C1orf94: variants seen among roughly 807,000 people sequenced by gnomAD.
C1orf94 encodes the protein chromosome 1 open reading frame 94.
In C1orf94, 45 loss-of-function variants were observed where a neutral mutation model predicts 53.6. The observed-to-expected ratio is 0.84, with a 90% CI of 0.66 to 1.08. C1orf94 has a LOEUF of 1.08. C1orf94 is among the 50% of genes least tolerant of loss of function. C1orf94 has a pLI of 0.00. For missense variants in C1orf94, 762 were observed against 738.9 expected (o/e 1.03, Z -0.36); for synonymous variants, 304 against 296.1 (o/e 1.03, Z -0.27).
intron 5 of C1orf94, among the ~76,000 whole-genome samples, chr1:34,211,166 T>A (rs1303248073): frequency 2.6e-5 from 4 of 152,158 alleles, no homozygotes; most frequent in Non-Finnish European, 4.4e-5. Flanking sequence ...CTGTCAGTAG[T>A]GGAATGTAGT....
At chr1:34,170,153 T>G (rs1642124369) in intron 1 of C1orf94, among the ~76,000 whole-genome samples, 1 of 152,236 alleles carries the variant, frequency 6.6e-6, no homozygotes, top group Admixed American at 6.5e-5. Context: ...TTGCATAGTA[T>G]CTTGTGTAGT....
chr1:34,183,851 C>T (rs1003682345), intron 1 of C1orf94, among the ~76,000 whole-genome samples: 59 of 147,960 alleles, frequency 4.0e-4, no homozygotes, highest in African/African-American at 1.3e-3. Context: ...AGCAAAACTC[C>T]GTCTCAAAAA....
At chr1:34,188,725 G>T (rs780114001) in intron 1 of C1orf94, among the ~76,000 whole-genome samples, 3 of 152,184 alleles carry the variant, frequency 2.0e-5, no homozygotes, top group African/African-American at 4.8e-5. Context: ...GGCCCGGAGG[G>T]TGGAGGAGGG....
At chr1:34,186,888 T>C (rs1007581334) in intron 1 of C1orf94, among the ~76,000 whole-genome samples, 5 of 152,218 alleles carry the variant, frequency 3.3e-5, no homozygotes, top group African/African-American at 9.6e-5. Context: ...TTACTCATCT[T>C]TGTCTCCCCA....
rs776904740 is a variant in C1orf94, at chr1:34,197,588, C to G, written c.684C>G (p.Ile228Met). The G allele has an allele frequency of 3.7e-6, 6 of 1,614,058 alleles. 1 individual carries two copies. Among genetic ancestry groups the G allele is most frequent in the Non-Finnish European group, 5.1e-6 (6 of 1,180,032 alleles). Residue 228 changes from isoleucine (I) to methionine (M), a missense_variant, in exon 2 of 7, where the codon ATC becomes ATG. By Grantham distance (10) the Ile-to-Met change is conservative. Transcript: ENST00000488417. This position sits in a 1 kb window ranked among gnomAD's most constrained non-coding sequence, Gnocchi z 4.1. The part of the protein sequence containing the change: ...SSKGTEDRGR[I>M]LGDSNLQVSK... ...AGGGGACAGAGGACAGGGGCCGCAT[C>G]CTAGGTGACTCCAACTTGCAAGTCA...
At chr1:34,213,403 G>A (rs112911521) in intron 6 of C1orf94, among the ~76,000 whole-genome samples, 1 of 152,182 alleles carries the variant, frequency 6.6e-6, no homozygotes. Context: ...AAAGCTGTGG[G>A]AAACAGAGAT....
At position 34,208,161 on chromosome 1, in the gene C1orf94, T is replaced by C; in HGVS notation, c.1451T>C (p.Leu484Pro). The change falls in exon 5 of 7, where the codon CTG becomes CCG. Residue 484 changes from leucine (L) to proline (P), a missense_variant. By Grantham distance (98) the Leu-to-Pro change is moderately conservative. Coordinates refer to ENST00000488417, the MANE Select transcript of C1orf94 (RefSeq NM_001134734.2). ...TGAGCCTCTGTTTCTCCCCAGGGCC[T>C]GTACCCACAGCAGGCAGCGAGGATG... ...NHSTFLQYQGLYPQQAARMPY... is the reference protein window; with the variant it reads ...NHSTFLQYQGPYPQQAARMPY... 6.2e-7 allele frequency: 1 copy of C among 1,614,034 alleles called. No individual in the cohort carries two copies. Among genetic ancestry groups the C allele is most frequent in the Non-Finnish European group, 8.5e-7 (1 of 1,179,978 alleles).
Position 34,200,989 on chromosome 1 carries a change from G to A in C1orf94, c.1227G>A (p.Pro409=), listed in dbSNP as rs772043436. 9 of 1,611,354 alleles carry A rather than the reference G, an allele frequency of 5.6e-6. No individual in the cohort carries two copies. The highest frequency in any genetic ancestry group is 1.7e-5 in the Admixed American group (1 of 59,528). Residue 409 remains proline (P), a synonymous_variant, in exon 3 of 7, where the codon CCG becomes CCA. Transcript: ENST00000488417. The part of the protein sequence containing the change: ...LGATKNPSGQ[P]RLRNKVEVDG... The stretch of plus-strand genomic sequence containing the variant: ...CCACCAAGAACCCAAGCGGGCAGCC[G>A]AGACTTCGAAACAAAGTGGAAGTGG...
At chr1:34,207,262 GGTGTGTGT>G (rs58794132) in intron 4 of C1orf94, among the ~76,000 whole-genome samples, 4,589 of 147,376 alleles carry the variant, frequency 0.031, 137 homozygotes, top group African/African-American at 0.076. Flanking sequence ...AGTTCTGCGG[GGTGTGTGT>G]GTGTGTGTGT....
At chr1:34,215,348 G>A (rs763064212) in intron 6 of C1orf94, among the ~76,000 whole-genome samples, 3 of 152,234 alleles carry the variant, frequency 2.0e-5, no homozygotes, top group Admixed American at 2.0e-4. Context: ...TGGTAGGCAT[G>A]GCTAGAAGTC....
In C1orf94 at chr1:34,197,329, G is replaced by C; in HGVS notation, c.425G>C (p.Gly142Ala). 1.9e-6 allele frequency: 3 copies of C among 1,579,356 alleles called. No individual in the cohort carries two copies. The highest frequency in any genetic ancestry group is 2.6e-6 in the Non-Finnish European group (3 of 1,162,166). Residue 142 changes from glycine to alanine, a missense_variant, in exon 2 of 7, where the codon GGG becomes GCG. Coordinates refer to ENST00000488417, the MANE Select transcript of C1orf94 (RefSeq NM_001134734.2). The surrounding 1 kb of genome is among the most constrained non-coding windows in gnomAD (Gnocchi z 4.1). ...TCGATCCTGGTCGAAGAGAGTTCTG[G>C]GGAGCTGGAGGTACCCGGCAGCTCT... ...EHSILVEESS[G>A]ELEVPGSSPE...
chr1:34,207,791 A>G (rs1642823096), intron 4 of C1orf94, among the ~76,000 whole-genome samples: 1 of 152,240 alleles, frequency 6.6e-6, no homozygotes, highest in South Asian at 2.1e-4. Context: ...GGCTACCTTC[A>G]TAGGCTTTGC....
chr1:34,216,719 G>T (rs140142300), intron 6 of C1orf94, among the ~76,000 whole-genome samples: 13 of 152,282 alleles, frequency 8.5e-5, no homozygotes, highest in African/African-American at 3.1e-4. Flanking sequence ...ATTCATCATG[G>T]TGGAATAACC....
At chr1:34,193,976 G>A (rs1005222187) in intron 1 of C1orf94, among the ~76,000 whole-genome samples, 3 of 152,158 alleles carry the variant, frequency 2.0e-5, no homozygotes, top group African/African-American at 4.8e-5. Flanking sequence ...TGGTTCTGGA[G>A]GCCATATCCC....
intron 4 of C1orf94, among the ~76,000 whole-genome samples, chr1:34,202,497 C>T (rs1265538273): frequency 6.6e-6 from 1 of 152,200 alleles, no homozygotes; most frequent in Admixed American, 6.5e-5. Context: ...TGCGTGCGCA[C>T]ACCTCCACAC....
rs59376155 is a variant in C1orf94, at chr1:34,209,285, AAC to A, written c.1524+1085_1524+1086del. On this transcript the variant is annotated intron_variant, in intron 5 of 6. Transcript: ENST00000488417. ...ATAAAGCAGCAGAAAGAGAAATGCA[AAC>A]ACACACACACACACACACACACACA... 9.9e-3 allele frequency among the ~76,000 whole-genome samples: 1,418 copies of A among 143,320 alleles called. 13 individuals carry two copies. Among genetic ancestry groups the A allele is most frequent in the East Asian group, 0.041 (198 of 4,820 alleles). 94.0% of individuals were successfully genotyped at this position (143,320 alleles called of 152,430 possible). A position where few individuals can be genotyped will look rare whatever the true frequency, so the allele number is the denominator to read the frequency against.
At chr1:34,211,793 T>C (rs1366288004) in intron 5 of C1orf94, among the ~76,000 whole-genome samples, 5 of 152,156 alleles carry the variant, frequency 3.3e-5, no homozygotes, top group African/African-American at 1.2e-4. Flanking sequence ...CAGAGCTGTG[T>C]AAATCACAAC....
chr1:34,207,762 A>G (rs1642822861), intron 4 of C1orf94, among the ~76,000 whole-genome samples: 1 of 152,214 alleles, frequency 6.6e-6, no homozygotes, highest in South Asian at 2.1e-4. Context: ...AGTTGTGTGG[A>G]CAGCAACAAA....
intron 1 of C1orf94, among the ~76,000 whole-genome samples, chr1:34,186,927 G>T (rs533444700): frequency 6.6e-6 from 1 of 152,306 alleles, no homozygotes; most frequent in Admixed American, 6.5e-5. Context: ...GGCACTTGGT[G>T]GCTATGCAGT....
Sources: allele counts gnomAD v4.1 joint callset (sites outside exome capture counted in the v4.1 genomes callset), GRCh38; gene constraint gnomAD v4.1.1; non-coding constraint Gnocchi (gnomAD v3.1); transcripts MANE v1.5; gene names NCBI Gene and HGNC (gene_info 2026-07-23, HGNC 2026-07-21).